The following SYTL5 variants were observed in gnomAD, a reference collection of about 807,000 sequenced individuals.
SYTL5 encodes synaptotagmin like 5.
Under a neutral mutation model 55.9 loss-of-function variants are expected in SYTL5, and 34 were observed. The observed-to-expected ratio is 0.61, with a 90% confidence interval of 0.46 to 0.81. SYTL5 has a LOEUF of 0.81. SYTL5 is among the 30% of genes least tolerant of loss of function. SYTL5 has a pLI of 0.00. For synonymous variants in SYTL5, 221 were observed against 188.7 expected (o/e 1.17, Z -1.40); for missense variants, 637 against 546.7 (o/e 1.17, Z -1.65).
chrX:38,073,892 C>A (rs1936327850), intron 5 of SYTL5, among the ~76,000 whole-genome samples, 194 bp downstream of exon 5: 1 of 111,558 alleles, frequency 9.0e-6, no homozygotes. Context: ...AAATAAAAGT[C>A]CTGTCTGACC....
At chrX:38,080,871 A>T (rs1936513983) in intron 6 of SYTL5, among the ~76,000 whole-genome samples, 1 of 111,826 alleles carries the variant, frequency 8.9e-6, no homozygotes, top group African/African-American at 3.3e-5. Flanking sequence ...GAATATAGCA[A>T]GGTGGGAGTG....
At chrX:38,057,246 T>TC (rs1935815449) in intron 3 of SYTL5, among the ~76,000 whole-genome samples, 2 of 111,829 alleles carry the variant, frequency 1.8e-5, no homozygotes, top group African/African-American at 6.5e-5. Flanking sequence ...GACTCTCCTT[T>TC]CCCCAATGTA....
At chrX:38,117,782 G>T (rs1260526207) in intron 13 of SYTL5, among the ~76,000 whole-genome samples, 1 of 111,730 alleles carries the variant, frequency 9.0e-6, no homozygotes, top group Non-Finnish European at 1.9e-5. Flanking sequence ...ACCTACATGC[G>T]GCTTCTCTCT....
At chrX:37,940,598 G>GTGGA in the SYTL5 span, among the ~76,000 whole-genome samples, 12 of 49,581 alleles carry the variant, frequency 2.4e-4, no homozygotes, top group African/African-American at 5.8e-4. Context: ...AGGGATAGGT[G>GTGGA]TGTATGTATA....
chrX:38,100,355 C>T (rs1047027852), intron 9 of SYTL5, among the ~76,000 whole-genome samples: 6 of 110,890 alleles, frequency 5.4e-5, no homozygotes, highest in African/African-American at 1.6e-4. Context: ...CATTTTTTTC[C>T]TCATCAATGT....
At chrX:37,951,620 C>T in the SYTL5 span, among the ~76,000 whole-genome samples, 1 of 110,802 alleles carries the variant, frequency 9.0e-6, no homozygotes, top group South Asian at 3.8e-4. Flanking sequence ...AAACCATAAA[C>T]TGGGTTAAGG....
At chrX:37,935,898 G>A in the SYTL5 span, among the ~76,000 whole-genome samples, 1 of 112,166 alleles carries the variant, frequency 8.9e-6, no homozygotes, top group African/African-American at 3.2e-5. Context: ...CCTGCTTGAC[G>A]AGTAATCGCA....
the SYTL5 span, among the ~76,000 whole-genome samples, chrX:37,916,221 T>G: frequency 0.22 from 24,610 of 110,857 alleles, 2,339 homozygotes; most frequent in African/African-American, 0.35. Flanking sequence ...CACAACAGCA[T>G]AAGGTGGGCT....
chrX:38,088,548 T>A (rs1454044875), intron 6 of SYTL5, among the ~76,000 whole-genome samples: 1 of 112,360 alleles, frequency 8.9e-6, no homozygotes, highest in Non-Finnish European at 1.9e-5. Flanking sequence ...GCTCATTTAA[T>A]AAGAAAATTG....
intron 2 of SYTL5, among the ~76,000 whole-genome samples, chrX:38,053,915 AG>A: frequency 8.9e-6 from 1 of 112,437 alleles, no homozygotes; most frequent in Non-Finnish European, 1.9e-5. Flanking sequence ...CTGATATCAA[AG>A]GATTGTTGCC....
intron 2 of SYTL5, among the ~76,000 whole-genome samples, chrX:38,037,694 T>C (rs1818912443): frequency 9.0e-6 from 1 of 111,400 alleles, no homozygotes; most frequent in African/African-American, 3.3e-5. Flanking sequence ...ATAGCCATTT[T>C]ATTATGAATT....
At chrX:38,021,542 A>G (rs1277025563) in intron 1 of SYTL5, among the ~76,000 whole-genome samples, 2 of 112,045 alleles carry the variant, frequency 1.8e-5, no homozygotes, top group African/African-American at 6.5e-5. Context: ...TAAAATCAGC[A>G]TTTTAAATCA....
At chrX:37,950,081 C>T in the SYTL5 span, among the ~76,000 whole-genome samples, 2 of 111,679 alleles carry the variant, frequency 1.8e-5, no homozygotes, top group African/African-American at 6.5e-5. Context: ...TTAATCAATA[C>T]CTATTTAAAT....
At chrX:37,992,319 C>T in the SYTL5 span, among the ~76,000 whole-genome samples, 1 of 112,818 alleles carries the variant, frequency 8.9e-6, no homozygotes, top group South Asian at 3.6e-4. Context: ...TTTTAGGTTT[C>T]CACCTCTTCC....
the SYTL5 span, among the ~76,000 whole-genome samples, chrX:37,915,146 G>A: frequency 7.3e-5 from 8 of 110,097 alleles, no homozygotes; most frequent in Admixed American, 3.8e-4. Context: ...TCCTTGTTTC[G>A]TGTGTGTGTG....
intron 3 of SYTL5, among the ~76,000 whole-genome samples, chrX:38,059,316 G>A (rs73465470): frequency 0.051 from 5,654 of 111,358 alleles, 120 homozygotes; most frequent in Middle Eastern, 0.088. Context: ...CTTTCTTCCC[G>A]TAAACCTAGT....
the SYTL5 span, among the ~76,000 whole-genome samples, chrX:37,944,376 T>G: frequency 9.0e-6 from 1 of 111,687 alleles, no homozygotes; most frequent in East Asian, 2.8e-4. Flanking sequence ...TTTTTTATCT[T>G]AAAATGCCTG....
At chrX:38,121,962 G>T (rs1415378896) in intron 14 of SYTL5, 118 bp from the exon 15 acceptor site, 4 of 720,832 alleles carry the variant, frequency 5.5e-6, no homozygotes, top group Non-Finnish European at 7.5e-6. Flanking sequence ...GCCCAAATTA[G>T]TCAGCAAATG....
chrX:38,000,442 C>T, the SYTL5 span, among the ~76,000 whole-genome samples: 4 of 112,311 alleles, frequency 3.6e-5, no homozygotes, highest in Non-Finnish European at 7.5e-5. Context: ...ATGTGATGGA[C>T]GTGTGGCTCA....
Sources: gnomAD v4.1 joint callset for allele counts (sites outside exome capture counted in the v4.1 genomes callset) on GRCh38, gnomAD v4.1.1 for gene constraint, MANE v1.5 for transcripts, NCBI Gene and HGNC (gene_info 2026-07-23, HGNC 2026-07-21) for gene names.